STPG2: variants seen among roughly 807,000 people sequenced by gnomAD.
STPG2 encodes sperm-tail PG-rich repeat-containing protein 2.
Under a neutral mutation model 54.2 loss-of-function variants are expected in STPG2, and 56 were observed. That is an observed-to-expected ratio of 1.03 (90% confidence interval 0.83 to 1.29). STPG2 has a LOEUF of 1.29. STPG2 is among the 50% of genes most tolerant of loss of function. The probability of loss-of-function intolerance (pLI) is 0.00; values close to 1 mark genes in which losing one functional copy is unlikely to be tolerated. For synonymous variants in STPG2, 200 were observed against 181.8 expected (o/e 1.10, Z -0.81); for missense variants, 596 against 544.9 (o/e 1.09, Z -0.93).
chr4:97,800,996 A>C (rs1362571691), intron 9 of STPG2, among the ~76,000 whole-genome samples: 3 of 151,870 alleles, frequency 2.0e-5, no homozygotes, highest in Non-Finnish European at 4.4e-5. Context: ...GCAGGAGAGA[A>C]TCTCCTGGTG....
chr4:97,813,459 A>AT, intron 9 of STPG2, among the ~76,000 whole-genome samples: 1 of 152,172 alleles, frequency 6.6e-6, no homozygotes, highest in South Asian at 2.1e-4. Context: ...ATTTAAATCC[A>AT]TTTTTATTGT....
chr4:97,713,259 C>T (rs919367922), intron 9 of STPG2, among the ~76,000 whole-genome samples: 1 of 152,094 alleles, frequency 6.6e-6, no homozygotes, highest in Non-Finnish European at 1.5e-5. Flanking sequence ...AGATGGAATG[C>T]ACATGGAGCA....
rs1648162670 is a variant in STPG2, at chr4:98,026,247, G to A, written c.613-44929C>T. The A allele has an allele frequency of 9.5e-6, 9 of 951,666 alleles. No homozygotes were observed. The Admixed American group carries it at 1.2e-4, about 13-fold the overall frequency. 59.0% of individuals were successfully genotyped at this position (951,666 alleles called of 1,614,324 possible). The stretch of plus-strand genomic sequence containing the variant: ...AAAGCAAGCCCCCTCAAGAGCTCAG[G>A]AGTGGGCTGCTGAGAGCTAAACCAA... On this transcript the variant is annotated intron_variant, in intron 5 of 10. Transcript: ENST00000295268.
chr4:97,527,633 T>C (rs1731312314), intron 4 of STPG2, among the ~76,000 whole-genome samples: 1 of 152,196 alleles, frequency 6.6e-6, no homozygotes, highest in Non-Finnish European at 1.5e-5. Context: ...AAATTGTTCC[T>C]ATTTATTCAC....
intron 2 of STPG2, among the ~76,000 whole-genome samples, chr4:98,133,416 C>A (rs1041963555): frequency 6.6e-6 from 1 of 151,932 alleles, no homozygotes; most frequent in African/African-American, 2.4e-5. Context: ...CTATCTCTAG[C>A]GGGTACCTTA....
At chr4:97,582,177 A>G (rs1035176428) in intron 10 of STPG2, among the ~76,000 whole-genome samples, 3 of 152,166 alleles carry the variant, frequency 2.0e-5, no homozygotes, top group African/African-American at 4.8e-5. Context: ...GAAGTCAGAC[A>G]TTGACTTTAG....
intron 9 of STPG2, among the ~76,000 whole-genome samples, chr4:97,751,197 T>C (rs1725571412): frequency 6.6e-6 from 1 of 151,894 alleles, no homozygotes; most frequent in Admixed American, 6.6e-5. Context: ...GAAACTCCAC[T>C]AGGAGAGAGC....
At chr4:97,944,375 T>G (rs533699824) in intron 7 of STPG2, among the ~76,000 whole-genome samples, 1 of 151,826 alleles carries the variant, frequency 6.6e-6, no homozygotes, top group Middle Eastern at 3.3e-3. Context: ...TTAATAAAAA[T>G]ATATTTACAT....
intron 5 of STPG2, among the ~76,000 whole-genome samples, chr4:98,063,004 C>G (rs1367013449): frequency 6.6e-6 from 1 of 152,082 alleles, no homozygotes. Context: ...CCCACCTCAG[C>G]CTCCCAAAGT....
intron 8 of STPG2, among the ~76,000 whole-genome samples, chr4:97,915,465 C>T (rs1578686359): frequency 3.3e-5 from 5 of 152,090 alleles, no homozygotes; most frequent in Admixed American, 3.3e-4. Flanking sequence ...GATTCAGAGG[C>T]CTGTGTTCAT....
intron 10 of STPG2, among the ~76,000 whole-genome samples, chr4:97,682,749 T>C (rs968754049): frequency 6.6e-6 from 1 of 151,866 alleles, no homozygotes; most frequent in African/African-American, 2.4e-5. Flanking sequence ...TTAAGTAACT[T>C]GTCTAAAGTC....
chr4:97,784,815 T>C (rs1218319144), intron 9 of STPG2, among the ~76,000 whole-genome samples: 1 of 152,070 alleles, frequency 6.6e-6, no homozygotes, highest in Admixed American at 6.6e-5. Context: ...AGTTAATCTA[T>C]GCATGAATTC....
Position 97,550,843 on chromosome 4 carries a change from G to A in STPG2, c.462+161856C>T, listed in dbSNP as rs111524970. Among the ~76,000 whole-genome samples, 855 of 152,082 alleles carry A rather than the reference G, an allele frequency of 5.6e-3. 8 individuals carry two copies. The highest frequency in any genetic ancestry group is 0.02 in the Middle Eastern group (6 of 294). The stretch of plus-strand genomic sequence containing the variant: ...TACAGCTCTTAAAGGTGGTGCTTCC[G>A]GAGTTGTTTTTTCCTCCCGGTGGGT... On this transcript the variant is annotated intron_variant, in intron 4 of 4. Coordinates refer to the STPG2 transcript ENST00000522676.
intron 7 of STPG2, among the ~76,000 whole-genome samples, chr4:97,970,232 A>C (rs905127352): frequency 5.3e-5 from 8 of 152,132 alleles, no homozygotes; most frequent in Admixed American, 1.3e-4. Context: ...GGCCATACTG[A>C]CCAAGGTAAT....
chr4:97,631,298 T>C (rs778713966), intron 10 of STPG2, among the ~76,000 whole-genome samples: 1 of 152,026 alleles, frequency 6.6e-6, no homozygotes, highest in Non-Finnish European at 1.5e-5. Context: ...TCATAACTTG[T>C]TTAAATTTCC....
chr4:98,071,566 G>A (rs1368171862), intron 5 of STPG2, among the ~76,000 whole-genome samples: 2 of 152,138 alleles, frequency 1.3e-5, no homozygotes, highest in East Asian at 3.9e-4. Flanking sequence ...TGACAAGTGG[G>A]ATCTAATTAA....
intron 8 of STPG2, among the ~76,000 whole-genome samples, chr4:97,849,485 C>A (rs1249934102): frequency 6.6e-6 from 1 of 151,798 alleles, no homozygotes; most frequent in Non-Finnish European, 1.5e-5. Flanking sequence ...GAACAGGCAA[C>A]CTACAACATG....
At chr4:97,739,069 C>G (rs1421200953) in intron 9 of STPG2, among the ~76,000 whole-genome samples, 1 of 151,982 alleles carries the variant, frequency 6.6e-6, no homozygotes, top group African/African-American at 2.4e-5. Flanking sequence ...TCACTCAAAA[C>G]CGCTCAACTA....
At chr4:98,074,747 G>A (rs914931916) in intron 5 of STPG2, among the ~76,000 whole-genome samples, 5 of 152,032 alleles carry the variant, frequency 3.3e-5, no homozygotes, top group East Asian at 1.9e-4. Context: ...GGCATTCTTC[G>A]TTTTATGTAT....
Sources: allele counts gnomAD v4.1 joint callset (sites outside exome capture counted in the v4.1 genomes callset), GRCh38; gene constraint gnomAD v4.1.1; transcripts MANE v1.5; gene names NCBI Gene and HGNC (gene_info 2026-07-23, HGNC 2026-07-21).